The following CNTNAP2 variants were observed in gnomAD, a reference collection of about 807,000 sequenced individuals.
CNTNAP2 encodes the protein contactin associated protein 2, also known as contactin-associated protein-like 2.
A neutral mutation model predicts 155.2 loss-of-function variants in CNTNAP2; 98 were observed. The observed-to-expected ratio is 0.63, with a 90% CI of 0.54 to 0.75. The LOEUF is 0.75. Ranked by LOEUF, CNTNAP2 falls within the 30% of genes least tolerant of loss-of-function variation. CNTNAP2 has a pLI of 0.00. For missense variants in CNTNAP2, 1,727 were observed against 1,688.1 expected (o/e 1.02, Z -0.40); for synonymous variants, 651 against 631.2 (o/e 1.03, Z -0.47).
intron 8 of CNTNAP2, among the ~76,000 whole-genome samples, chr7:147,157,935 G>T: frequency 6.6e-6 from 1 of 151,590 alleles, no homozygotes; most frequent in Admixed American, 6.6e-5. Context: ...GGACATAGTG[G>T]GATATTTTAT....
At chr7:147,000,400 A>G (rs1332839834) in intron 3 of CNTNAP2, among the ~76,000 whole-genome samples, 1 of 151,958 alleles carries the variant, frequency 6.6e-6, no homozygotes, top group Non-Finnish European at 1.5e-5. Context: ...GTTGCCAATT[A>G]CTTTTGTCCC....
At chr7:147,270,823 A>G (rs570945651) in intron 8 of CNTNAP2, among the ~76,000 whole-genome samples, 33 of 152,302 alleles carry the variant, frequency 2.2e-4, no homozygotes, top group African/African-American at 7.7e-4. Flanking sequence ...TCCTGCTAGC[A>G]TAGCCTCATG....
At chr7:146,617,761 A>G (rs1799250337) in intron 1 of CNTNAP2, among the ~76,000 whole-genome samples, 1 of 152,210 alleles carries the variant, frequency 6.6e-6, no homozygotes, top group African/African-American at 2.4e-5. Context: ...GTGAAACAAA[A>G]TATTTTTTTA....
intron 2 of CNTNAP2, among the ~76,000 whole-genome samples, chr7:146,777,621 T>C (rs569379361): frequency 1.3e-5 from 2 of 151,966 alleles, no homozygotes; most frequent in Non-Finnish European, 2.9e-5. Context: ...TGGAGTGCAG[T>C]GGCATGATCT....
intron 8 of CNTNAP2, among the ~76,000 whole-genome samples, chr7:147,163,263 C>G (rs1802061674): frequency 6.6e-6 from 1 of 152,088 alleles, no homozygotes; most frequent in South Asian, 2.1e-4. Context: ...AAAAGAAGAA[C>G]AACAACAATA....
At chr7:147,997,289 C>T (rs1801820274) in intron 15 of CNTNAP2, among the ~76,000 whole-genome samples, 1 of 152,190 alleles carries the variant, frequency 6.6e-6, no homozygotes, top group Non-Finnish European at 1.5e-5. Context: ...TGTGGTGGCT[C>T]AGGCCTGTAA....
At chr7:147,798,501 C>T (rs118013376) in intron 13 of CNTNAP2, among the ~76,000 whole-genome samples, 1,722 of 152,240 alleles carry the variant, frequency 0.011, 16 homozygotes, top group Non-Finnish European at 0.017. Flanking sequence ...TTGTCCTGTA[C>T]GTAATGGCTT....
chr7:147,610,426 C>G (rs995951212), intron 12 of CNTNAP2, among the ~76,000 whole-genome samples: 1 of 152,004 alleles, frequency 6.6e-6, no homozygotes, highest in African/African-American at 2.4e-5. Flanking sequence ...TTCCTAAGGC[C>G]GGTAATGGGA....
intron 9 of CNTNAP2, among the ~76,000 whole-genome samples, chr7:147,334,708 G>T (rs1353803071): frequency 6.6e-6 from 1 of 152,124 alleles, no homozygotes. Context: ...TCTCTGCAGT[G>T]TGACTCCCTT....
At chr7:147,854,116 G>A (rs1005650833) in intron 13 of CNTNAP2, among the ~76,000 whole-genome samples, 2 of 151,972 alleles carry the variant, frequency 1.3e-5, no homozygotes, top group Non-Finnish European at 2.9e-5. Flanking sequence ...ACATCAATTC[G>A]GCCATTATAC....
intron 3 of CNTNAP2, among the ~76,000 whole-genome samples, chr7:146,968,846 C>T (rs1472014199): frequency 6.9e-6 from 1 of 145,810 alleles, no homozygotes; most frequent in African/African-American, 2.6e-5. Flanking sequence ...TTCTTGCCTT[C>T]TGCTAGCTTT....
intron 3 of CNTNAP2, among the ~76,000 whole-genome samples, chr7:146,978,939 T>A (rs1191442840): frequency 7.2e-5 from 11 of 152,268 alleles, no homozygotes; most frequent in Admixed American, 5.2e-4. Context: ...AGAGCACTTT[T>A]AAAAGTTTGA....
chr7:147,103,663 T>C (rs950028191), intron 4 of CNTNAP2, among the ~76,000 whole-genome samples: 2 of 151,994 alleles, frequency 1.3e-5, no homozygotes, highest in African/African-American at 4.8e-5. Flanking sequence ...AGTTTATTTT[T>C]TATAAAAGAA....
chr7:148,281,349 T>C (rs1796971026), intron 21 of CNTNAP2, among the ~76,000 whole-genome samples: 1 of 152,186 alleles, frequency 6.6e-6, no homozygotes, highest in African/African-American at 2.4e-5. Context: ...CTCCTAAGAG[T>C]AGAATGCAGC....
intron 1 of CNTNAP2, among the ~76,000 whole-genome samples, chr7:146,499,094 A>T (rs913833883): frequency 7.2e-5 from 11 of 152,178 alleles, no homozygotes; most frequent in African/African-American, 2.7e-4. Context: ...TCTGCCAATG[A>T]TCTGTCTATT....
chr7:147,032,633 G>A (rs773495248), intron 3 of CNTNAP2, among the ~76,000 whole-genome samples: 25 of 151,472 alleles, frequency 1.7e-4, no homozygotes, highest in Non-Finnish European at 1.0e-4. Context: ...ATAGTAAAAC[G>A]CTGGAAAGAA....
At chr7:146,897,014 A>G (rs1795891057) in intron 3 of CNTNAP2, among the ~76,000 whole-genome samples, 1 of 152,160 alleles carries the variant, frequency 6.6e-6, no homozygotes, top group Non-Finnish European at 1.5e-5. Context: ...GATGTCTGAC[A>G]GAGAAACCGT....
chr7:146,791,931 C>T (rs1219587605), intron 2 of CNTNAP2, among the ~76,000 whole-genome samples: 2 of 152,156 alleles, frequency 1.3e-5, no homozygotes, highest in Admixed American at 1.3e-4. Context: ...GGAATCCCCC[C>T]TACTATTTTT....
At chr7:146,333,738 G>C (rs971765047) in intron 1 of CNTNAP2, among the ~76,000 whole-genome samples, 1 of 152,132 alleles carries the variant, frequency 6.6e-6, no homozygotes, top group Non-Finnish European at 1.5e-5. Context: ...TACAAAACTG[G>C]TACTTTCGGT....
Sources: allele counts gnomAD v4.1 joint callset (sites outside exome capture counted in the v4.1 genomes callset), GRCh38; gene constraint gnomAD v4.1.1; transcripts MANE v1.5; gene names NCBI Gene and HGNC (gene_info 2026-07-23, HGNC 2026-07-21).